The following GPM6B variants were observed in gnomAD, a reference collection of about 807,000 sequenced individuals.
GPM6B encodes glycoprotein M6B, also known as neuronal membrane glycoprotein M6-b.
GPM6B carries 4 observed loss-of-function variants against 27.2 expected under a neutral mutation model. The observed-to-expected ratio is 0.15, with a 90% CI of 0.07 to 0.34. GPM6B has a LOEUF of 0.34. Ranked by LOEUF, GPM6B falls within the 10% of genes least tolerant of loss-of-function variation. The probability of loss-of-function intolerance (pLI) is 1.00; values close to 1 mark genes in which losing one functional copy is unlikely to be tolerated. For missense variants in GPM6B, 183 were observed against 261.9 expected, an observed-to-expected ratio of 0.70 and a Z score of 2.08; for synonymous variants, 124 against 103.1, an observed-to-expected ratio of 1.20 and a Z score of -1.23.
intron 1 of GPM6B, among the ~76,000 whole-genome samples, chrX:13,808,790 G>T (rs2049071694): frequency 8.9e-6 from 1 of 111,737 alleles, no homozygotes; most frequent in South Asian, 3.7e-4. Context: ...ACAGTGTGAG[G>T]CAAGTAAAAC....
chrX:13,780,035 A>G, intron 4 of GPM6B, 46 bp from the exon 5 acceptor site: 1 of 1,053,353 alleles, frequency 9.5e-7, no homozygotes, highest in Non-Finnish European at 1.3e-6. Flanking sequence ...AAACAGGTAG[A>G]TGTGTGTCCC....
chrX:13,910,618 A>G (rs1342386034), intron 1 of GPM6B, among the ~76,000 whole-genome samples: 1 of 113,137 alleles, frequency 8.8e-6, no homozygotes, highest in Non-Finnish European at 1.9e-5. Flanking sequence ...TTGGAGAGAG[A>G]GGAACACAAA....
At chrX:13,818,098 C>T (rs1340309517), upstream of GPM6B, among the ~76,000 whole-genome samples, 1 of 112,083 alleles carries the variant, frequency 8.9e-6, no homozygotes, top group African/African-American at 3.2e-5. Flanking sequence ...ACATTCTCAA[C>T]CCATACCAAC....
chrX:13,788,560 ATC>A, intron 2 of GPM6B, among the ~76,000 whole-genome samples: 1 of 109,562 alleles, frequency 9.1e-6, no homozygotes, highest in Admixed American at 9.9e-5. Flanking sequence ...AGATGTATAC[ATC>A]TATATATATT....
chrX:13,830,990 A>C lies in GPM6B; in HGVS notation c.-197-45182T>G, dbSNP rs182060332. On this transcript the variant is annotated intron_variant, in intron 1 of 6. Coordinates refer to the GPM6B transcript ENST00000398361. ...TGTGGTGGCATGCTAATGCAATTTC[A>C]GTGGGATTAAGGGTGTATGTGATGA... 1.2e-4 allele frequency among the ~76,000 whole-genome samples: 13 copies of C among 110,774 alleles called. No homozygotes were observed. In the East Asian group the frequency reaches 3.7e-3, roughly 31 times the overall value.
intron 5 of GPM6B, among the ~76,000 whole-genome samples, chrX:13,778,050 G>GTTT (rs1450377975): frequency 2.6e-5 from 2 of 76,469 alleles, no homozygotes; most frequent in African/African-American, 9.6e-5. Context: ...AATCAAATTG[G>GTTT]TTTGTTTTTT....
chrX:13,812,204 C>A (rs1363956543), intron 1 of GPM6B, among the ~76,000 whole-genome samples: 2 of 109,230 alleles, frequency 1.8e-5, no homozygotes, highest in South Asian at 8.1e-4. Context: ...CACACACCAC[C>A]ACGCCCGGCT....
intron 1 of GPM6B, among the ~76,000 whole-genome samples, chrX:13,915,331 T>C (rs1694001430): frequency 9.2e-6 from 1 of 108,798 alleles, no homozygotes; most frequent in South Asian, 3.9e-4. Context: ...GGTACCATTT[T>C]AAAATGAGCC....
chrX:13,922,597 A>G (rs1199963335), intron 1 of GPM6B, among the ~76,000 whole-genome samples: 1 of 112,222 alleles, frequency 8.9e-6, no homozygotes, highest in African/African-American at 3.2e-5. Context: ...CGTCACAGCT[A>G]CTTCACATAT....
intron 1 of GPM6B, among the ~76,000 whole-genome samples, chrX:13,887,512 T>C (rs1031509694): frequency 2.7e-5 from 3 of 111,730 alleles, no homozygotes; most frequent in Admixed American, 1.9e-4. Context: ...ACTTTCCTCC[T>C]TGAAGTTATA....
At chrX:13,884,111 G>C (rs913389895) in intron 1 of GPM6B, among the ~76,000 whole-genome samples, 7 of 112,051 alleles carry the variant, frequency 6.2e-5, no homozygotes, top group African/African-American at 2.3e-4. Flanking sequence ...CCGGGAGGCA[G>C]AGGTTGCGGT....
At chrX:13,774,731 GT>G (rs200760292) in intron 7 of GPM6B, 2 of 552,258 alleles carry the variant, frequency 3.6e-6, no homozygotes, top group Non-Finnish European at 6.0e-6. Flanking sequence ...AGTCTAAGGT[GT>G]TTTTTTCCCA....
intron 1 of GPM6B, among the ~76,000 whole-genome samples, chrX:13,905,947 A>G (rs1167760387): frequency 8.9e-6 from 1 of 111,883 alleles, no homozygotes; most frequent in Non-Finnish European, 1.9e-5. Context: ...GAATTGTAAA[A>G]AGAGGCAAGG....
At chrX:13,844,620 T>C (rs771055577) in intron 1 of GPM6B, among the ~76,000 whole-genome samples, 1 of 112,041 alleles carries the variant, frequency 8.9e-6, no homozygotes, top group Non-Finnish European at 1.9e-5. Flanking sequence ...ACACAAAGAC[T>C]TGGAGCCCAA....
At chrX:13,777,999 T>C (rs913133084) in intron 5 of GPM6B, among the ~76,000 whole-genome samples, 1 of 112,140 alleles carries the variant, frequency 8.9e-6, no homozygotes, top group Non-Finnish European at 1.9e-5. Flanking sequence ...TTCATTTTTA[T>C]TATGTCTTAT....
intron 1 of GPM6B, among the ~76,000 whole-genome samples, chrX:13,887,399 T>C (rs946955880): frequency 2.7e-5 from 3 of 111,896 alleles, no homozygotes. Flanking sequence ...ACACCACATC[T>C]CTTCCAGTGG....
At position 13,829,333 on chromosome X, in the gene GPM6B, A is replaced by G. The variant is rs745903883; in HGVS notation, c.-197-43525T>C. 9.2e-4 allele frequency among the ~76,000 whole-genome samples: 103 copies of G among 111,828 alleles called. 2 individuals are homozygous for G. Among genetic ancestry groups the G allele is most frequent in the Admixed American group, 2.7e-3 (28 of 10,544 alleles). On this transcript the variant is annotated intron_variant, in intron 1 of 6. Coordinates refer to the GPM6B transcript ENST00000398361. The stretch of plus-strand genomic sequence containing the variant: ...GCTTCATTGTCTACCAAAAGGACTC[A>G]TAAGAGAACTTCCCCCATAAGGCTA...
intron 1 of GPM6B, among the ~76,000 whole-genome samples, chrX:13,906,409 C>T (rs1031077993): frequency 8.9e-6 from 1 of 111,981 alleles, no homozygotes; most frequent in African/African-American, 3.2e-5. Context: ...ACACCATGTC[C>T]CTATTGGGGG....
intron 1 of GPM6B, among the ~76,000 whole-genome samples, chrX:13,888,676 C>CT (rs754368790): frequency 2.7e-5 from 3 of 111,439 alleles, no homozygotes; most frequent in Admixed American, 9.6e-5. Context: ...CCCCCACCCC[C>CT]TTTTTTTTCC....
Sources: gnomAD v4.1 joint callset for allele counts (sites outside exome capture counted in the v4.1 genomes callset) on GRCh38, gnomAD v4.1.1 for gene constraint, MANE v1.5 for transcripts, NCBI Gene and HGNC (gene_info 2026-07-23, HGNC 2026-07-21) for gene names.